The following HERC3 variants were observed in gnomAD, a reference collection of about 807,000 sequenced individuals.
The protein encoded by HERC3 is HECT and RLD domain containing E3 ubiquitin protein ligase 3, also known as probable E3 ubiquitin-protein ligase HERC3.
HERC3 carries 58 observed loss-of-function variants against 129.9 expected under a neutral mutation model. That is an observed-to-expected ratio of 0.45 (90% CI 0.36 to 0.56). The LOEUF (loss-of-function observed/expected upper bound fraction) is 0.56, where lower values mean the gene tolerates loss of function less well. Among genes scored for constraint, HERC3 ranks in the 20% least tolerant of loss-of-function variants. The pLI, the probability that HERC3 is intolerant of heterozygous loss-of-function variation, is 0.00. For synonymous variants in HERC3, 430 were observed against 451.0 expected (o/e 0.95, Z 0.59); for missense variants, 835 against 1,244.2 (o/e 0.67, Z 4.95).
chr4:88,570,441 T>TA, the HERC3 span, among the ~76,000 whole-genome samples: 2 of 152,192 alleles, frequency 1.3e-5, no homozygotes, highest in Non-Finnish European at 2.9e-5. Flanking sequence ...TTTATTACAT[T>TA]AAAAAATCAA....
At chr4:88,538,631 C>T in the HERC3 span, among the ~76,000 whole-genome samples, 3 of 151,368 alleles carry the variant, frequency 2.0e-5, no homozygotes, top group Non-Finnish European at 4.4e-5. Context: ...GCAAGCTCTG[C>T]CTCCTGGGTT....
chr4:88,704,428 C>A, intron 24 of HERC3, 80 bp from the exon 25 acceptor site: 1 of 1,220,804 alleles, frequency 8.2e-7, no homozygotes, highest in Non-Finnish European at 1.2e-6. Context: ...TATTTCTTAG[C>A]CTCAAATGCA....
intron 10 of HERC3, among the ~76,000 whole-genome samples, chr4:88,659,786 TC>T (rs1730299920): frequency 6.6e-6 from 1 of 152,250 alleles, no homozygotes; most frequent in Non-Finnish European, 1.5e-5. Context: ...TTCAATAGTA[TC>T]CAACTTTAAT....
At chr4:88,604,169 G>A (rs998771026) in intron 2 of HERC3, among the ~76,000 whole-genome samples, 2 of 152,094 alleles carry the variant, frequency 1.3e-5, no homozygotes, top group African/African-American at 4.8e-5. Flanking sequence ...ACAGGCATGC[G>A]CCACCGCGCC....
chr4:88,630,152 T>C (rs138111681), intron 3 of HERC3, among the ~76,000 whole-genome samples: 129 of 152,354 alleles, frequency 8.5e-4, no homozygotes, highest in Middle Eastern at 3.4e-3. Flanking sequence ...ATTTTCTAAA[T>C]GGACCTGTCT....
At chr4:88,646,022 T>C (rs1481804254) in intron 3 of HERC3, among the ~76,000 whole-genome samples, 3 of 152,200 alleles carry the variant, frequency 2.0e-5, no homozygotes, top group African/African-American at 7.2e-5. Context: ...CTAATTCTTC[T>C]CCAGAGGAAA....
At chr4:88,550,690 G>A in the HERC3 span, among the ~76,000 whole-genome samples, 12 of 149,794 alleles carry the variant, frequency 8.0e-5, no homozygotes, top group South Asian at 2.1e-4. Flanking sequence ...AATCAATATC[G>A]TGAAAATGGC....
Position 88,704,602 on chromosome 4 carries a change from A to C in HERC3, c.2936A>C (p.Lys979Thr), listed in dbSNP as rs776090866. The change falls in exon 25 of 26, where the codon AAG (lysine) becomes ACG (threonine). Residue 979 changes from lysine to threonine, a missense_variant. By Grantham distance (78) the Lys-to-Thr change is moderately conservative. Transcript: ENST00000402738. The stretch of plus-strand genomic sequence containing the variant: ...GAGTTTCCATTGGAAAAGAAGAAGA[A>C]GTTTCTCTGTAAGTATCAGTAATCT... ...FHEFPLEKKK[K>T]FLLFLTGSDR... 1 of 1,573,394 alleles carries C rather than the reference A, an allele frequency of 6.4e-7. No individual in the cohort carries two copies. Among genetic ancestry groups the C allele is most frequent in the Non-Finnish European group, 8.7e-7 (1 of 1,142,990 alleles).
chr4:88,641,521 G>T (rs774823710), intron 3 of HERC3, among the ~76,000 whole-genome samples: 1 of 152,130 alleles, frequency 6.6e-6, no homozygotes, highest in Non-Finnish European at 1.5e-5. Context: ...CCAAAAGCTA[G>T]CTCTTTGAAA....
the HERC3 span, among the ~76,000 whole-genome samples, chr4:88,542,893 C>T: frequency 1.3e-5 from 2 of 152,196 alleles, no homozygotes; most frequent in Non-Finnish European, 2.9e-5. Context: ...AACAGCCCTT[C>T]ATGCTGAAAA....
At chr4:88,672,004 C>A (rs931850226) in intron 16 of HERC3, among the ~76,000 whole-genome samples, 2 of 151,992 alleles carry the variant, frequency 1.3e-5, no homozygotes, top group African/African-American at 4.8e-5. Context: ...ACATTATGAG[C>A]AGAAAAATAA....
the HERC3 span, among the ~76,000 whole-genome samples, chr4:88,559,551 C>G: frequency 2.0e-5 from 3 of 152,112 alleles, no homozygotes; most frequent in African/African-American, 7.2e-5. Flanking sequence ...TTTATTTTTT[C>G]TGTGTCTGGC....
chr4:88,673,328 C>T (rs368696659), intron 16 of HERC3, among the ~76,000 whole-genome samples: 1 of 152,116 alleles, frequency 6.6e-6, no homozygotes, highest in Non-Finnish European at 1.5e-5. Context: ...TGCAGGTGTG[C>T]GTGTAGTGCC....
At chr4:88,703,437 C>T (rs934775709) in intron 23 of HERC3, among the ~76,000 whole-genome samples, 1 of 152,122 alleles carries the variant, frequency 6.6e-6, no homozygotes, top group Non-Finnish European at 1.5e-5. Context: ...GTTTATCTTC[C>T]TACCAACTGC....
chr4:88,602,212 C>G (rs1270581113), intron 2 of HERC3, among the ~76,000 whole-genome samples: 1 of 151,704 alleles, frequency 6.6e-6, no homozygotes, highest in Admixed American at 6.6e-5. Flanking sequence ...ACCAGCCTGC[C>G]CAACATGGCG....
At chr4:88,613,557 C>T (rs188625794) in intron 3 of HERC3, among the ~76,000 whole-genome samples, 201 of 152,256 alleles carry the variant, frequency 1.3e-3, no homozygotes, top group African/African-American at 4.4e-3. Context: ...AGGTTGCTCT[C>T]GGGCATCTGA....
chr4:88,581,624 T>A, the HERC3 span, among the ~76,000 whole-genome samples: 8 of 152,004 alleles, frequency 5.3e-5, no homozygotes, highest in East Asian at 1.4e-3. Context: ...TTCTATTTTT[T>A]AAAAAATAAT....
At chr4:88,668,710 A>G (rs1266299139) in intron 14 of HERC3, 1 of 152,992 alleles carries the variant, frequency 6.5e-6, no homozygotes, top group Non-Finnish European at 1.5e-5. Context: ...CCCCTGGTAA[A>G]TTTTGTTAGG....
chr4:88,572,326 G>A, the HERC3 span, among the ~76,000 whole-genome samples: 1 of 150,322 alleles, frequency 6.7e-6, no homozygotes, highest in African/African-American at 2.5e-5. Context: ...TACTTGGGCA[G>A]CTGAGGCAGG....
Sources: allele counts gnomAD v4.1 joint callset (sites outside exome capture counted in the v4.1 genomes callset), GRCh38; gene constraint gnomAD v4.1.1; transcripts MANE v1.5; gene names NCBI Gene and HGNC (gene_info 2026-07-23, HGNC 2026-07-21).